Variants in PLA2G4E observed in about 807,000 individuals in gnomAD.
PLA2G4E encodes the protein cytosolic phospholipase A2 epsilon.
PLA2G4E carries 84 observed loss-of-function variants against 109.1 expected under a neutral mutation model. The observed-to-expected ratio is 0.77, with a 90% CI of 0.65 to 0.92. The LOEUF (loss-of-function observed/expected upper bound fraction) is 0.92. Among genes scored for constraint, PLA2G4E ranks in the 40% least tolerant of loss-of-function variants. The pLI is 0.00. For missense variants in PLA2G4E, 1,057 were observed against 1,076.6 expected (o/e 0.98, Z 0.25); for synonymous variants, 469 against 436.1 (o/e 1.08, Z -0.94).
At chr15:42,018,391 C>T (rs550439136) in intron 1 of PLA2G4E, among the ~76,000 whole-genome samples, 87 of 152,204 alleles carry the variant, frequency 5.7e-4, no homozygotes, top group South Asian at 2.7e-3. Context: ...AACAGGATGC[C>T]CTGGCTGGGA....
At chr15:42,026,347 C>A (rs916219894) in intron 1 of PLA2G4E, among the ~76,000 whole-genome samples, 1 of 152,122 alleles carries the variant, frequency 6.6e-6, no homozygotes, top group Non-Finnish European at 1.5e-5. Flanking sequence ...GGTGACATGG[C>A]AAAAGTGACT....
intron 1 of PLA2G4E, among the ~76,000 whole-genome samples, chr15:42,044,009 G>T (rs1020501882): frequency 3.3e-5 from 5 of 152,182 alleles, no homozygotes; most frequent in Non-Finnish European, 7.3e-5. Context: ...CTCAAGGTTG[G>T]CATGGGCTGG....
At chr15:42,008,622 G>A (rs1295866466) in intron 2 of PLA2G4E, among the ~76,000 whole-genome samples, 1 of 152,206 alleles carries the variant, frequency 6.6e-6, no homozygotes, top group African/African-American at 2.4e-5. Flanking sequence ...CAAAATGACA[G>A]AAGGTCTCCT....
exon 20 of PLA2G4E, chr15:41,982,104 A>AT (rs1566831855): frequency 6.6e-6 from 1 of 152,056 alleles, no homozygotes; most frequent in African/African-American, 2.4e-5. Flanking sequence ...TCGGAGGCCA[A>AT]TTTTTCTAAA....
chr15:42,038,668 G>A (rs879498974), intron 1 of PLA2G4E, among the ~76,000 whole-genome samples: 6 of 152,200 alleles, frequency 3.9e-5, no homozygotes, highest in Admixed American at 6.5e-5. Context: ...AGTACGTACC[G>A]TGAGCTTTCT....
At chr15:42,050,184 C>G (rs1889483684) in intron 1 of PLA2G4E, among the ~76,000 whole-genome samples, 1 of 152,188 alleles carries the variant, frequency 6.6e-6, no homozygotes, top group Non-Finnish European at 1.5e-5. Flanking sequence ...CTCAGGTGCC[C>G]ATGAAACTAG....
intron 12 of PLA2G4E, among the ~76,000 whole-genome samples, chr15:41,994,573 A>G (rs1704354): frequency 0.86 from 131,499 of 152,142 alleles, 57,023 homozygotes; most frequent in Non-Finnish European, 0.9. Context: ...TATGTGGCCC[A>G]GCCTGGTCTT....
chr15:42,032,591 A>T (rs1445322929), intron 1 of PLA2G4E, among the ~76,000 whole-genome samples: 1 of 152,226 alleles, frequency 6.6e-6, no homozygotes, highest in African/African-American at 2.4e-5. Context: ...AGACTTCTGT[A>T]TATTTTCACC....
At chr15:42,024,006 C>T (rs1297626614) in intron 1 of PLA2G4E, among the ~76,000 whole-genome samples, 1 of 152,124 alleles carries the variant, frequency 6.6e-6, no homozygotes, top group Non-Finnish European at 1.5e-5. Context: ...CTGCTGGGTG[C>T]CCATCTCTGT....
chr15:41,988,096 G>A (rs943360521), exon 16 of PLA2G4E: 4 of 1,608,130 alleles, frequency 2.5e-6, no homozygotes, highest in South Asian at 2.2e-5. Context: ...AAACTCCTCC[G>A]AGGTGTGTGA....
rs114419688 is a variant in PLA2G4E at position 41,986,072 on chromosome 15, G to A, written c.2036-67C>T. The A allele has an allele frequency of 1.2e-3, 1,807 of 1,508,214 alleles. 16 individuals carry two copies. The African/African-American group carries it at 0.022, about 19-fold the overall frequency. 93.4% of individuals were successfully genotyped at this position (1,508,214 alleles called of 1,614,324 possible). ...TGACAGCCAATGGACAGAGGCACTT[G>A]GGGGGACGGAGCGCCCTGTCTGGAG... On this transcript the variant is annotated intron_variant, in intron 17 of 19. Coordinates refer to ENST00000399518, the Ensembl canonical transcript of PLA2G4E.
At chr15:42,020,508 T>C (rs1039667155) in intron 1 of PLA2G4E, among the ~76,000 whole-genome samples, 4 of 152,228 alleles carry the variant, frequency 2.6e-5, no homozygotes, top group Admixed American at 1.3e-4. Context: ...AGATTGACAA[T>C]GCCACCAATT....
intron 19 of PLA2G4E, 113 bp downstream of exon 19, chr15:41,984,323 G>T: frequency 1.7e-6 from 2 of 1,208,284 alleles, no homozygotes; most frequent in Middle Eastern, 2.9e-4. Context: ...GGTTGGCTCA[G>T]GCTGGAGCTG....
intron 3 of PLA2G4E, 145 bp from the exon 4 acceptor site, chr15:42,006,266 C>T: frequency 9.9e-7 from 1 of 1,010,326 alleles, no homozygotes; most frequent in South Asian, 1.8e-5. Context: ...ATGTGACAGA[C>T]ATTTGTAGGG....
rs777884335 is a variant in PLA2G4E, at chr15:41,999,937, G to A, written c.916C>T (p.Gln306Ter). Residue 306 changes from glutamine to a stop codon, truncating the protein, a stop_gained, in exon 9 of 20, where the codon CAG (glutamine) becomes TAG (stop). Transcript: ENST00000399518. LOFTEE classifies it high-confidence loss of function. ...CTCACCACAGGCAGGGTCATCACCT[G>A]ACCATCGGAAAGGCAGTCGAGGGGC... The A allele has an allele frequency of 6.2e-7, 1 of 1,610,792 alleles. No individual in the cohort carries two copies. Among genetic ancestry groups the A allele is most frequent in the Admixed American group, 1.7e-5 (1 of 59,646 alleles).
At chr15:42,043,604 C>T (rs1765814072) in intron 1 of PLA2G4E, among the ~76,000 whole-genome samples, 1 of 149,922 alleles carries the variant, frequency 6.7e-6, no homozygotes, top group Non-Finnish European at 1.5e-5. Context: ...ACCAAAGAGG[C>T]CAGTGACAAA....
At position 42,009,494 on chromosome 15, in the gene PLA2G4E, TC is replaced by T. The variant is rs1416355056; in HGVS notation, c.257-1630del. ...AGCTTTTTAGATATGACCATGCCAT[TC>T]CCCAGTTCGAGATCCTCCAGGGGCT... On this transcript the variant is annotated intron_variant, in intron 2 of 19. Transcript: ENST00000399518. Among the ~76,000 whole-genome samples, 5 of 152,284 alleles carry T rather than the reference TC, an allele frequency of 3.3e-5. No individual in the cohort carries two copies. The East Asian group carries it at 9.7e-4, about 29-fold the overall frequency.
chr15:42,007,707 G>A (rs1383718277), intron 3 of PLA2G4E, 22 bp downstream of exon 3: 3 of 1,606,966 alleles, frequency 1.9e-6, no homozygotes, highest in Non-Finnish European at 2.6e-6. Flanking sequence ...AGGGAAGACA[G>A]GTGCAGTCCT....
At chr15:42,010,149 C>A (rs781708213) in intron 2 of PLA2G4E, 61 of 495,046 alleles carry the variant, frequency 1.2e-4, no homozygotes, top group South Asian at 9.6e-4. Flanking sequence ...CACCCCGGGC[C>A]TGGACCACAC....
Sources: allele counts gnomAD v4.1 joint callset (sites outside exome capture counted in the v4.1 genomes callset), GRCh38; gene constraint gnomAD v4.1.1; transcripts MANE v1.5; gene names NCBI Gene and HGNC (gene_info 2026-07-23, HGNC 2026-07-21).